CALD1: variants seen among roughly 807,000 people sequenced by gnomAD.
The protein encoded by CALD1 is caldesmon.
CALD1 carries 33 observed loss-of-function variants against 99.9 expected under a neutral mutation model. The ratio of observed to expected loss-of-function variants is 0.33; its 90% CI spans 0.25 to 0.44. The LOEUF is 0.44. CALD1 is among the 20% of genes least tolerant of loss of function. CALD1 has a pLI of 1.00. For synonymous variants in CALD1, 310 were observed against 325.0 expected, an observed-to-expected ratio of 0.95 and a Z score of 0.50; for missense variants, 861 against 962.1, an observed-to-expected ratio of 0.89 and a Z score of 1.39.
At chr7:134,748,539 A>G (rs1796656044) in intron 1 of CALD1, among the ~76,000 whole-genome samples, 1 of 152,138 alleles carries the variant, frequency 6.6e-6, no homozygotes, top group South Asian at 2.1e-4. Context: ...GTGAAGCCCT[A>G]TCTCTACTAA....
chr7:134,861,875 T>TCTC (rs1800578628), intron 2 of CALD1, among the ~76,000 whole-genome samples: 1 of 152,120 alleles, frequency 6.6e-6, no homozygotes, highest in South Asian at 2.1e-4. Flanking sequence ...TGAATGAGGA[T>TCTC]ACAGTGGGTT....
At chr7:134,833,617 A>T (rs564225237) in intron 1 of CALD1, among the ~76,000 whole-genome samples, 3 of 152,322 alleles carry the variant, frequency 2.0e-5, no homozygotes, top group African/African-American at 7.2e-5. Context: ...GAAAAAATTG[A>T]GCTTCTGGAG....
At chr7:134,801,442 C>T (rs777185861) in intron 1 of CALD1, among the ~76,000 whole-genome samples, 4 of 152,190 alleles carry the variant, frequency 2.6e-5, no homozygotes, top group Non-Finnish European at 5.9e-5. Flanking sequence ...TTCCTATTTG[C>T]TGAACTTATT....
At chr7:134,905,714 A>C (rs532402268) in intron 3 of CALD1, among the ~76,000 whole-genome samples, 6 of 151,792 alleles carry the variant, frequency 4.0e-5, no homozygotes, top group African/African-American at 1.2e-4. Flanking sequence ...GAGTTCTATA[A>C]CTCTTTCCCT....
At chr7:134,876,425 A>T (rs984717504) in intron 3 of CALD1, among the ~76,000 whole-genome samples, 3 of 152,242 alleles carry the variant, frequency 2.0e-5, no homozygotes, top group Non-Finnish European at 4.4e-5. Flanking sequence ...TTTGGAAAAG[A>T]GTGTATTCTA....
the CALD1 span, among the ~76,000 whole-genome samples, chr7:134,727,061 C>A: frequency 6.6e-6 from 1 of 152,178 alleles, no homozygotes; most frequent in Non-Finnish European, 1.5e-5. Context: ...ATATTCTGAA[C>A]CCCAACTGCA....
At chr7:134,955,782 TC>T (rs1440170841) in intron 9 of CALD1, among the ~76,000 whole-genome samples, 1 of 152,206 alleles carries the variant, frequency 6.6e-6, no homozygotes, top group Non-Finnish European at 1.5e-5. Context: ...CACAGTTCGA[TC>T]AATAGCACTA....
At chr7:134,941,283 G>GGA in intron 7 of CALD1, 46 bp downstream of exon 7, 3 of 1,079,918 alleles carry the variant, frequency 2.8e-6, no homozygotes, top group Non-Finnish European at 3.8e-6. Flanking sequence ...CACATGCAAA[G>GGA]AAAAAAAAAA....
At chr7:134,807,125 CT>C (rs1798171853) in intron 1 of CALD1, among the ~76,000 whole-genome samples, 1 of 152,160 alleles carries the variant, frequency 6.6e-6, no homozygotes, top group Non-Finnish European at 1.5e-5. Flanking sequence ...GACTTAGCCC[CT>C]GGTCCTAATT....
At chr7:134,966,961 G>T (rs1808723550) in intron 14 of CALD1, among the ~76,000 whole-genome samples, 1 of 151,960 alleles carries the variant, frequency 6.6e-6, no homozygotes, top group African/African-American at 2.4e-5. Flanking sequence ...ACAGCAGAAG[G>T]CTCTCCTCTC....
intron 1 of CALD1, among the ~76,000 whole-genome samples, chr7:134,834,986 A>G (rs1174783476): frequency 3.3e-5 from 5 of 152,220 alleles, no homozygotes; most frequent in Non-Finnish European, 7.3e-5. Context: ...TATCTGGGTG[A>G]TGATGAACAG....
intron 3 of CALD1, among the ~76,000 whole-genome samples, chr7:134,919,181 C>T (rs184213944): frequency 2.6e-5 from 4 of 152,202 alleles, no homozygotes; most frequent in East Asian, 3.9e-4. Flanking sequence ...TGAGCCTGTA[C>T]GCTTGGGGAT....
intron 14 of CALD1, among the ~76,000 whole-genome samples, chr7:134,965,653 A>G (rs1808621542): frequency 6.6e-6 from 1 of 152,194 alleles, no homozygotes; most frequent in South Asian, 2.1e-4. Flanking sequence ...CATTGGCAGC[A>G]GAAGGCCGTA....
intron 3 of CALD1, among the ~76,000 whole-genome samples, chr7:134,923,937 C>T (rs1804796809): frequency 6.6e-6 from 1 of 152,146 alleles, no homozygotes; most frequent in South Asian, 2.1e-4. Flanking sequence ...GTAATAATGT[C>T]CTTAGCAGCA....
At chr7:134,825,350 G>A (rs1228293679) in intron 1 of CALD1, among the ~76,000 whole-genome samples, 11 of 152,114 alleles carry the variant, frequency 7.2e-5, no homozygotes, top group Admixed American at 3.9e-4. Flanking sequence ...TAATGTACCC[G>A]CATTAAAATA....
rs560728026 is a variant in CALD1 at position 134,829,377 on chromosome 7, G to A, written c.-129-14507G>A. On this transcript the variant is annotated intron_variant, in intron 1 of 14. Transcript: ENST00000361675. ...GAAAACGTTATCATCTGATTGTACT[G>A]TAACACAAAAATTGGTGTTTTCAGG... Among the ~76,000 whole-genome samples the A allele has an allele frequency of 1.8e-4, 28 of 152,324 alleles. 1 individual carries two copies. Among genetic ancestry groups the A allele is most frequent in the African/African-American group, 6.7e-4 (28 of 41,590 alleles).
chr7:134,753,766 GACT>G (rs1374691502), intron 1 of CALD1, among the ~76,000 whole-genome samples: 1 of 152,108 alleles, frequency 6.6e-6, no homozygotes, highest in Non-Finnish European at 1.5e-5. Flanking sequence ...GCTGGTCCTT[GACT>G]ACAAATTGTC....
At chr7:134,776,683 G>A (rs1471097117), upstream of CALD1, among the ~76,000 whole-genome samples, 4 of 152,172 alleles carry the variant, frequency 2.6e-5, 1 homozygote, top group Non-Finnish European at 5.9e-5. Flanking sequence ...ATCTGGCAAA[G>A]GGTGTTCTGC....
chr7:134,830,621 T>C (rs1799182398), intron 1 of CALD1, among the ~76,000 whole-genome samples: 2 of 152,160 alleles, frequency 1.3e-5, no homozygotes, highest in African/African-American at 4.8e-5. Context: ...GTCCATGTGT[T>C]CTCATCATTT....
Sources: gnomAD v4.1 joint callset for allele counts (sites outside exome capture counted in the v4.1 genomes callset) on GRCh38, gnomAD v4.1.1 for gene constraint, MANE v1.5 for transcripts, NCBI Gene and HGNC (gene_info 2026-07-23, HGNC 2026-07-21) for gene names.